The following PRELID2 variants were observed in gnomAD, a reference collection of about 807,000 sequenced individuals.
PRELID2 encodes the protein PRELI domain-containing protein 2.
A neutral mutation model predicts 28.4 loss-of-function variants in PRELID2; 25 were observed. The observed-to-expected ratio is 0.88, with a 90% CI of 0.64 to 1.23. The LOEUF (loss-of-function observed/expected upper bound fraction) is 1.23, where lower values mean the gene tolerates loss of function less well. Ranked by LOEUF, PRELID2 falls within the 50% of genes most tolerant of loss-of-function variation. The pLI is 0.00. For synonymous variants in PRELID2, 76 were observed against 71.6 expected (o/e 1.06, Z -0.31); for missense variants, 201 against 214.4 (o/e 0.94, Z 0.39).
At chr5:145,597,577 T>C (rs183239991) in intron 1 of PRELID2, among the ~76,000 whole-genome samples, 432 of 152,316 alleles carry the variant, frequency 2.8e-3, no homozygotes, top group African/African-American at 7.9e-3. Flanking sequence ...CAATTTCAGA[T>C]ACTTCAAATG....
At chr5:145,567,228 G>A (rs1004353674) in intron 1 of PRELID2, among the ~76,000 whole-genome samples, 2 of 152,154 alleles carry the variant, frequency 1.3e-5, no homozygotes, top group African/African-American at 4.8e-5. Flanking sequence ...TAGGGTTTGT[G>A]TCCCCACCCA....
At chr5:145,301,145 A>G in the PRELID2 span, among the ~76,000 whole-genome samples, 1 of 152,086 alleles carries the variant, frequency 6.6e-6, no homozygotes, top group Non-Finnish European at 1.5e-5. Flanking sequence ...CCCACATCTT[A>G]GCACATATTT....
At chr5:145,480,388 G>C (rs1752146742) in intron 1 of PRELID2, among the ~76,000 whole-genome samples, 1 of 152,012 alleles carries the variant, frequency 6.6e-6, no homozygotes, top group East Asian at 1.9e-4. Context: ...GGGTAACAAA[G>C]AAGTATCAAT....
chr5:145,296,775 C>A, the PRELID2 span, among the ~76,000 whole-genome samples: 1 of 152,088 alleles, frequency 6.6e-6, no homozygotes, highest in East Asian at 1.9e-4. Context: ...ACACTGACTT[C>A]CACAAGGGTT....
intron 1 of PRELID2, among the ~76,000 whole-genome samples, chr5:145,656,109 A>C (rs540507980): frequency 3.3e-5 from 5 of 152,182 alleles, no homozygotes; most frequent in Non-Finnish European, 5.9e-5. Flanking sequence ...ACAGACACTT[A>C]TCAAAAGAAG....
At chr5:145,229,934 G>A in the PRELID2 span, 1 of 749,568 alleles carries the variant, frequency 1.3e-6, no homozygotes, top group Non-Finnish European at 2.5e-6. Flanking sequence ...ACAATGAGGA[G>A]CTGATGAGCG....
At chr5:145,596,048 G>A (rs1753300614) in intron 1 of PRELID2, among the ~76,000 whole-genome samples, 1 of 139,524 alleles carries the variant, frequency 7.2e-6, no homozygotes, top group African/African-American at 2.8e-5. Flanking sequence ...AGCCGAGGTG[G>A]CACCACTGCA....
At chr5:145,742,187 T>A (rs1756839724) in intron 1 of PRELID2, among the ~76,000 whole-genome samples, 2 of 38,358 alleles carry the variant, frequency 5.2e-5, no homozygotes, top group Admixed American at 4.1e-4. Context: ...TAAATTTATA[T>A]ATAAATAATA....
chr5:145,746,078 C>T (rs1201862011), intron 1 of PRELID2, among the ~76,000 whole-genome samples: 1 of 152,104 alleles, frequency 6.6e-6, no homozygotes. Flanking sequence ...AATATAAAGA[C>T]CAATGACACT....
At chr5:145,357,077 C>A in the PRELID2 span, among the ~76,000 whole-genome samples, 1 of 152,188 alleles carries the variant, frequency 6.6e-6, no homozygotes, top group African/African-American at 2.4e-5. Flanking sequence ...CCAATATCTT[C>A]TGGCTTACAG....
chr5:145,817,446 T>A (rs77927074), intron 4 of PRELID2, among the ~76,000 whole-genome samples: 14,728 of 140,220 alleles, frequency 0.11, 1,039 homozygotes, highest in East Asian at 0.19. Context: ...TATATATATA[T>A]ATCACATGGT....
chr5:145,430,423 A>C, the PRELID2 span, among the ~76,000 whole-genome samples: 1 of 152,176 alleles, frequency 6.6e-6, no homozygotes, highest in African/African-American at 2.4e-5. Context: ...CTCTCAGGCT[A>C]CCACACTGAG....
intron 1 of PRELID2, among the ~76,000 whole-genome samples, chr5:145,623,277 G>A (rs563346701): frequency 1.5e-4 from 22 of 151,590 alleles, no homozygotes; most frequent in Non-Finnish European, 2.4e-4. Context: ...GCGAAACCCC[G>A]TCTCTACTAA....
At chr5:145,690,318 A>G (rs916875721) in intron 1 of PRELID2, among the ~76,000 whole-genome samples, 26 of 152,032 alleles carry the variant, frequency 1.7e-4, no homozygotes, top group African/African-American at 5.8e-4. Flanking sequence ...CTAACCCTTC[A>G]TGCTTAGGGT....
At chr5:145,650,295 G>GAGT in intron 1 of PRELID2, among the ~76,000 whole-genome samples, 1 of 151,972 alleles carries the variant, frequency 6.6e-6, no homozygotes, top group East Asian at 1.9e-4. Context: ...TCAAGGAGAC[G>GAGT]AGTAGCACTG....
At chr5:145,608,705 T>G (rs2099326) in intron 1 of PRELID2, among the ~76,000 whole-genome samples, 1 of 152,060 alleles carries the variant, frequency 6.6e-6, no homozygotes, top group Non-Finnish European at 1.5e-5. Flanking sequence ...GAGAATCTGA[T>G]GACTATGTGT....
chr5:145,294,935 A>G, the PRELID2 span, among the ~76,000 whole-genome samples: 1 of 152,224 alleles, frequency 6.6e-6, no homozygotes, highest in African/African-American at 2.4e-5. Flanking sequence ...CAAACAACAA[A>G]CATGTTTTTT....
chr5:145,387,782 A>T, the PRELID2 span, among the ~76,000 whole-genome samples: 2 of 151,886 alleles, frequency 1.3e-5, no homozygotes, highest in African/African-American at 4.8e-5. Flanking sequence ...AAATACAAAA[A>T]TTAGCTGGGC....
chr5:145,814,470 A>G (rs1754163987), intron 4 of PRELID2, among the ~76,000 whole-genome samples: 1 of 152,142 alleles, frequency 6.6e-6, no homozygotes, highest in Admixed American at 6.6e-5. Flanking sequence ...GGTGGTTCAG[A>G]GCAAGCCCAC....
Sources: gnomAD v4.1 joint callset for allele counts (sites outside exome capture counted in the v4.1 genomes callset) on GRCh38, gnomAD v4.1.1 for gene constraint, MANE v1.5 for transcripts, NCBI Gene and HGNC (gene_info 2026-07-23, HGNC 2026-07-21) for gene names.